GAS7: variants seen among roughly 807,000 people sequenced by gnomAD.
GAS7 encodes growth arrest specific 7.
A neutral mutation model predicts 71.1 loss-of-function variants in GAS7; 28 were observed. The ratio of observed to expected loss-of-function variants is 0.39; its 90% confidence interval spans 0.29 to 0.54. The LOEUF is 0.54. GAS7 is among the 20% of genes least tolerant of loss of function. The pLI is 0.62. For missense variants in GAS7, 436 were observed against 627.8 expected (o/e 0.69, Z 3.27); for synonymous variants, 258 against 245.8 (o/e 1.05, Z -0.46).
chr17:10,194,382 G>A (rs2074524706), intron 1 of GAS7, among the ~76,000 whole-genome samples: 1 of 152,136 alleles, frequency 6.6e-6, no homozygotes, highest in Non-Finnish European at 1.5e-5. Flanking sequence ...GGAATTCCTG[G>A]ACCCTATTAA....
At chr17:9,934,115 T>C (rs1184940520) in intron 9 of GAS7, 51 bp downstream of exon 9, 1 of 1,162,218 alleles carries the variant, frequency 8.6e-7, no homozygotes, top group South Asian at 1.2e-5. Context: ...AACTATTTTT[T>C]AGTACCCCAG....
At chr17:10,138,896 T>G (rs2074060650) in intron 1 of GAS7, among the ~76,000 whole-genome samples, 2 of 152,234 alleles carry the variant, frequency 1.3e-5, no homozygotes, top group Admixed American at 1.3e-4. Context: ...TGCTAGAAAG[T>G]CTATTCATAT....
chr17:9,977,416 T>G (rs942483441), intron 3 of GAS7, among the ~76,000 whole-genome samples: 1 of 152,170 alleles, frequency 6.6e-6, no homozygotes, highest in Non-Finnish European at 1.5e-5. Context: ...TTTCACTCAT[T>G]TTCTTTCTCT....
At position 9,999,517 on chromosome 17, in the gene GAS7, C is replaced by CAAA. The variant is rs58784129; in HGVS notation, c.305-17636_305-17634dup. ...TAAGTGACAGGGTAAGACTTTGCCT[C>CAAA]AAAAAAAAAAAAATTATGCTCAAAA... On this transcript the variant is annotated intron_variant, in intron 2 of 13. Coordinates refer to ENST00000432992, the MANE Select transcript of GAS7 (RefSeq NM_201433.2). Among the ~76,000 whole-genome samples, 690 of 141,838 alleles carry CAAA rather than the reference C, an allele frequency of 4.9e-3. 10 individuals are homozygous for CAAA. The highest frequency in any genetic ancestry group is 0.017 in the African/African-American group (666 of 39,760). The allele number at this position is 141,838 out of a possible 152,430, so 93.1% of individuals were successfully genotyped here. A position where few individuals can be genotyped will look rare whatever the true frequency, so the allele number is the denominator to read the frequency against.
At chr17:10,097,707 C>A (rs184583387) in intron 1 of GAS7, among the ~76,000 whole-genome samples, 16 of 152,232 alleles carry the variant, frequency 1.1e-4, no homozygotes, top group Admixed American at 9.2e-4. Context: ...ACACACTAGG[C>A]AACCTCTGCC....
At chr17:10,062,429 G>A (rs2073229907) in intron 1 of GAS7, among the ~76,000 whole-genome samples, 1 of 152,192 alleles carries the variant, frequency 6.6e-6, no homozygotes, top group South Asian at 2.1e-4. Flanking sequence ...AGGTTGCAGT[G>A]AGCCGAGATT....
In GAS7 at chr17:9,911,939, T is replaced by C. The variant is rs933316597; in HGVS notation, c.*5289A>G. ...CTGGCCTTAACTGGGTGTGGTCCTG[T>C]CCCTGCCACCATGTACCACCATCCA... On this transcript the variant is annotated 3_prime_UTR_variant, in exon 14 of 14. Transcript: ENST00000432992. This position sits in a 1 kb window ranked among gnomAD's most constrained non-coding sequence, Gnocchi z 4.0. The C allele has an allele frequency of 4.3e-6, 1 of 231,968 alleles. No individual in the cohort carries two copies. The highest frequency in any genetic ancestry group is 2.2e-5 in the African/African-American group (1 of 45,240). 14.4% of individuals were successfully genotyped at this position (231,968 alleles called of 1,614,324 possible).
chr17:9,989,876 G>GCAATTGTGC (rs1350201324), intron 2 of GAS7, among the ~76,000 whole-genome samples: 1 of 152,190 alleles, frequency 6.6e-6, no homozygotes, highest in East Asian at 1.9e-4. Flanking sequence ...GCTTAGCTGG[G>GCAATTGTGC]CAATTGTGCC....
At chr17:10,104,630 C>G (rs1212001769) in intron 1 of GAS7, among the ~76,000 whole-genome samples, 1 of 152,176 alleles carries the variant, frequency 6.6e-6, no homozygotes, top group Non-Finnish European at 1.5e-5. Context: ...AAAAACAAAA[C>G]TAGACCTGCT....
chr17:10,096,242 T>G (rs1002531531), intron 1 of GAS7, among the ~76,000 whole-genome samples: 2 of 152,206 alleles, frequency 1.3e-5, no homozygotes, highest in African/African-American at 4.8e-5. Context: ...TATGTTATAG[T>G]CCCTAGAAGC....
intron 13 of GAS7, 51 bp downstream of exon 13, chr17:9,917,950 C>G (rs754826416): frequency 3.8e-6 from 5 of 1,330,022 alleles, no homozygotes; most frequent in Non-Finnish European, 5.4e-6. Context: ...CGCCAGGCGG[C>G]TCTCCCCAGG....
rs912780534 is a variant in GAS7 at position 9,914,837 on chromosome 17, G to A, written c.*2391C>T. 4 of 230,184 alleles carry A rather than the reference G, an allele frequency of 1.7e-5. No homozygotes were observed. Among genetic ancestry groups the A allele is most frequent in the South Asian group, 1.8e-4 (1 of 5,518 alleles). The allele number at this position is 230,184 out of a possible 1,614,324, so 14.3% of individuals were successfully genotyped here. A position where few individuals can be genotyped will look rare whatever the true frequency, so the allele number is the denominator to read the frequency against. On this transcript the variant is annotated 3_prime_UTR_variant, in exon 14 of 14. Transcript: ENST00000432992. Reference sequence around the variant, plus strand: ...CATGCCTGGCTTGTCTTGAGCATTCGCTGAATGAATGCAGATTAATCAGAA... The same window carrying A: ...CATGCCTGGCTTGTCTTGAGCATTCACTGAATGAATGCAGATTAATCAGAA...
At chr17:10,126,376 C>CACACACACCCA (rs1567602267) in intron 1 of GAS7, among the ~76,000 whole-genome samples, 1 of 49,578 alleles carries the variant, frequency 2.0e-5, no homozygotes, top group South Asian at 8.3e-4. Context: ...GCACACACAC[C>CACACACACCCA]CACACACTCA....
chr17:9,959,487 G>A lies in GAS7; in HGVS notation c.472-232C>T, dbSNP rs935055165. ...TAAGGAAGCCTCCTGCACAGGCTCT[G>A]AGAGAACTGCTCCAAACCAGGTCTC... On this transcript the variant is annotated intron_variant, in intron 4 of 13. Coordinates refer to ENST00000432992, the MANE Select transcript of GAS7 (RefSeq NM_201433.2). This position sits in a 1 kb window ranked among gnomAD's most constrained non-coding sequence, Gnocchi z 5.0. The A allele has an allele frequency of 2.1e-6, 3 of 1,395,488 alleles. No homozygotes were observed. The highest frequency in any genetic ancestry group is 2.8e-6 in the Non-Finnish European group (3 of 1,075,372). 86.4% of individuals were successfully genotyped at this position (1,395,488 alleles called of 1,614,324 possible).
intron 8 of GAS7, among the ~76,000 whole-genome samples, chr17:9,938,724 T>C (rs1455909617): frequency 6.6e-6 from 1 of 152,102 alleles, no homozygotes. Context: ...CCCAAGCAGA[T>C]GAATACACAC....
chr17:9,978,931 T>C (rs2070307928), intron 3 of GAS7, among the ~76,000 whole-genome samples: 1 of 152,106 alleles, frequency 6.6e-6, no homozygotes, highest in Admixed American at 6.5e-5. Flanking sequence ...TGATTCTTTG[T>C]TGTGAAGACT....
At chr17:10,004,855 CA>C (rs1401209665) in intron 2 of GAS7, among the ~76,000 whole-genome samples, 1 of 152,084 alleles carries the variant, frequency 6.6e-6, no homozygotes, top group Non-Finnish European at 1.5e-5. Context: ...ACAAAAAATA[CA>C]AAAATTAGCC....
At chr17:9,997,799 G>A (rs538238974) in intron 2 of GAS7, among the ~76,000 whole-genome samples, 16 of 152,338 alleles carry the variant, frequency 1.1e-4, no homozygotes, top group South Asian at 1.0e-3. Flanking sequence ...CTGAACTCAC[G>A]GAAACGCTTT....
At position 9,943,204 on chromosome 17, in the gene GAS7, G is replaced by C. The variant is rs17339499; in HGVS notation, c.648C>G (p.Thr216=). The part of the protein sequence containing the change: ...ADKKDPQGNG[T]VAGFELLLQK... ...GGAGCAGTAGTTCAAACCCAGCCAC[G>C]GTGCCGTTGCCTTGGGGGTCCTTCT... Residue 216 remains threonine (T), a synonymous_variant, in exon 7 of 14, where the codon ACC becomes ACG. Transcript: ENST00000432992. 343,355 of 1,609,600 alleles carry C rather than the reference G, an allele frequency of 0.21. 38,568 individuals carry two copies. The highest frequency in any genetic ancestry group is 0.23 in the Non-Finnish European group (270,637 of 1,176,076).
Sources: gnomAD v4.1 joint callset for allele counts (sites outside exome capture counted in the v4.1 genomes callset) on GRCh38, gnomAD v4.1.1 for gene constraint, Gnocchi (gnomAD v3.1) non-coding constraint, MANE v1.5 for transcripts, NCBI Gene and HGNC (gene_info 2026-07-23, HGNC 2026-07-21) for gene names.